Variants in FAM184B observed in about 807,000 individuals in gnomAD.
FAM184B encodes family with sequence similarity 184 member B.
In FAM184B, 111 loss-of-function variants were observed where a neutral mutation model predicts 135.9. The ratio of observed to expected loss-of-function variants is 0.82; its 90% CI spans 0.70 to 0.96. The LOEUF is 0.96. FAM184B is among the 40% of genes least tolerant of loss of function. The pLI is 0.00. For synonymous variants in FAM184B, 552 were observed against 524.8 expected (o/e 1.05, Z -0.71); for missense variants, 1,375 against 1,323.9 (o/e 1.04, Z -0.60).
rs1192248152 is a variant in FAM184B, at chr4:17,642,084, C to T, written c.2491G>A (p.Glu831Lys). 2.0e-6 allele frequency: 3 copies of T among 1,532,226 alleles called. No homozygotes were observed. The highest frequency in any genetic ancestry group is 1.7e-6 in the Non-Finnish European group (2 of 1,145,170). The allele number at this position is 1,532,226 out of a possible 1,614,324, so 94.9% of individuals were successfully genotyped here. ...LRAEVEQHQQ[E>K]AQKLRDQRRF... ...CGCTGGTCTCGGAGCTTCTGCGCCT[C>T]CTGCTGATGCTGCTCCACCTCCGCG... is the stretch of plus-strand genomic sequence containing the variant. Residue 831 changes from glutamate (E) to lysine (K), a missense_variant, in exon 13 of 18, where the codon GAG (glutamate) becomes AAG (lysine). Transcript: ENST00000265018.
At chr4:17,695,376 G>A (rs1184496338) in intron 5 of FAM184B, among the ~76,000 whole-genome samples, 14 of 152,042 alleles carry the variant, frequency 9.2e-5, no homozygotes, top group Non-Finnish European at 1.8e-4. Context: ...ATGTAGCCCA[G>A]GCTGGTCTTG....
chr4:17,737,922 A>G (rs533280221), intron 1 of FAM184B, among the ~76,000 whole-genome samples: 1 of 152,216 alleles, frequency 6.6e-6, no homozygotes, highest in African/African-American at 2.4e-5. Context: ...GGGAGCTTAC[A>G]ATTTAGCAAC....
At chr4:17,677,267 C>G (rs1716334455) in intron 7 of FAM184B, among the ~76,000 whole-genome samples, 1 of 152,118 alleles carries the variant, frequency 6.6e-6, no homozygotes, top group Non-Finnish European at 1.5e-5. Flanking sequence ...AGGCTAGTCT[C>G]AAACTCCTGA....
intron 17 of FAM184B, chr4:17,633,477 G>C: frequency 6.5e-6 from 3 of 458,252 alleles, no homozygotes; most frequent in Non-Finnish European, 1.2e-5. Context: ...GAGGAAGACT[G>C]TAATTTGAAT....
intron 1 of FAM184B, among the ~76,000 whole-genome samples, chr4:17,715,511 A>G (rs1717385775): frequency 6.6e-6 from 1 of 152,064 alleles, no homozygotes; most frequent in Non-Finnish European, 1.5e-5. Flanking sequence ...AAAAAATGAA[A>G]TTAATGGGGT....
intron 1 of FAM184B, among the ~76,000 whole-genome samples, chr4:17,723,204 G>A (rs1238244612): frequency 2.0e-5 from 3 of 152,172 alleles, no homozygotes; most frequent in African/African-American, 7.2e-5. Flanking sequence ...TAAACATATT[G>A]AATGCTCGTT....
chr4:17,763,762 C>T (rs1479377229), intron 1 of FAM184B, among the ~76,000 whole-genome samples: 1 of 152,116 alleles, frequency 6.6e-6, no homozygotes, highest in Non-Finnish European at 1.5e-5. Context: ...ATGGAATTTG[C>T]TATTTCTAGG....
intron 11 of FAM184B, among the ~76,000 whole-genome samples, chr4:17,649,578 C>T (rs6844755): frequency 0.54 from 78,669 of 144,728 alleles, 23,219 homozygotes; most frequent in East Asian, 0.89. Context: ...AGCAAGACTC[C>T]ATCTCAAAAA....
In FAM184B at chr4:17,636,627, C is replaced by A. The variant is rs774679756; in HGVS notation, c.2685G>T (p.Glu895Asp). The A allele has an allele frequency of 6.5e-7, 1 of 1,550,034 alleles. No individual in the cohort carries two copies. Among genetic ancestry groups the A allele is most frequent in the African/African-American group, 1.4e-5 (1 of 73,140 alleles). ...ALEAELKDSGEKPGKGASRPE... is the reference protein window; with the variant it reads ...ALEAELKDSGDKPGKGASRPE... ...GCCTGGACGCTCCCTTCCCTGGCTT[C>A]TCTCCGGAATCTTTCAGTCTGTTCC... is the stretch of plus-strand genomic sequence containing the variant. The change falls in exon 15 of 18, where the codon GAG becomes GAT. Residue 895 changes from glutamate (E) to aspartate (D), a missense_variant. Physicochemically the swap from Glu to Asp is conservative, Grantham distance 45 (BLOSUM62 2). Coordinates refer to ENST00000265018, the MANE Select transcript of FAM184B (RefSeq NM_015688.2).
At chr4:17,634,184 G>A (rs993918885) in intron 16 of FAM184B, 1 of 255,832 alleles carries the variant, frequency 3.9e-6, no homozygotes, top group Admixed American at 5.4e-5. Context: ...AGCAGGGGAT[G>A]GGCCCACCCT....
At chr4:17,766,040 G>C (rs991457646) in intron 1 of FAM184B, among the ~76,000 whole-genome samples, 1 of 152,324 alleles carries the variant, frequency 6.6e-6, no homozygotes, top group South Asian at 2.1e-4. Context: ...CCCCGTGAGT[G>C]TTACAGCTCA....
At chr4:17,734,774 G>C (rs888666188) in intron 1 of FAM184B, among the ~76,000 whole-genome samples, 31 of 149,466 alleles carry the variant, frequency 2.1e-4, no homozygotes, top group African/African-American at 6.9e-4. Flanking sequence ...TCAGTGCGGC[G>C]ATTCCTCAGG....
At chr4:17,748,465 T>C (rs1718223626) in intron 1 of FAM184B, among the ~76,000 whole-genome samples, 1 of 151,818 alleles carries the variant, frequency 6.6e-6, no homozygotes, top group Non-Finnish European at 1.5e-5. Flanking sequence ...TCCTTGGATT[T>C]GACACATGAC....
At chr4:17,677,818 C>G (rs964816266) in intron 7 of FAM184B, among the ~76,000 whole-genome samples, 11 of 152,098 alleles carry the variant, frequency 7.2e-5, no homozygotes, top group Non-Finnish European at 1.6e-4. Flanking sequence ...AAAAAATAAT[C>G]CACCATGATC....
chr4:17,778,993 C>A (rs577853987), intron 1 of FAM184B, among the ~76,000 whole-genome samples: 2 of 151,966 alleles, frequency 1.3e-5, no homozygotes, highest in East Asian at 1.9e-4. Context: ...ACTTTGTTAG[C>A]AAAAAAATCA....
chr4:17,723,610 C>T lies in FAM184B; in HGVS notation c.142-13966G>A, dbSNP rs545104920. On this transcript the variant is annotated intron_variant, in intron 1 of 17. Transcript: ENST00000265018. ...GCCCATCTCTTGTCTCTGACTTATG[C>T]TCTCAGTAGCGTCTGTATACAGTCC... Among the ~76,000 whole-genome samples the T allele has an allele frequency of 5.9e-5, 9 of 152,314 alleles. No individual in the cohort carries two copies. In the South Asian group the frequency reaches 1.9e-3, roughly 32 times the overall value.
chr4:17,641,945 A>G, intron 13 of FAM184B, 111 bp downstream of exon 13: 1 of 1,388,780 alleles, frequency 7.2e-7, no homozygotes, highest in Non-Finnish European at 9.3e-7. Flanking sequence ...CAGGATGCCG[A>G]GGCAGTGACC....
intron 1 of FAM184B, among the ~76,000 whole-genome samples, chr4:17,751,093 A>T (rs1380386495): frequency 6.6e-6 from 1 of 152,052 alleles, no homozygotes; most frequent in East Asian, 1.9e-4. Flanking sequence ...GGATCACCTG[A>T]GGTCAGGAGT....
intron 1 of FAM184B, among the ~76,000 whole-genome samples, chr4:17,738,744 C>G (rs1326821477): frequency 6.6e-6 from 1 of 152,086 alleles, no homozygotes; most frequent in African/African-American, 2.4e-5. Flanking sequence ...GAGGTGGGGC[C>G]TAATGGGGGT....
Sources: gnomAD v4.1 joint callset for allele counts (sites outside exome capture counted in the v4.1 genomes callset) on GRCh38, gnomAD v4.1.1 for gene constraint, MANE v1.5 for transcripts, NCBI Gene and HGNC (gene_info 2026-07-23, HGNC 2026-07-21) for gene names.